UNC80: variants seen among roughly 807,000 people sequenced by gnomAD.
UNC80 encodes the protein unc-80 subunit of NALCN channel complex, also known as protein unc-80 homolog.
A neutral mutation model predicts 384.6 loss-of-function variants in UNC80; 164 were observed. The ratio of observed to expected loss-of-function variants is 0.43; its 90% CI spans 0.38 to 0.49. The LOEUF (loss-of-function observed/expected upper bound fraction) is 0.49. Ranked by LOEUF, UNC80 falls within the 20% of genes least tolerant of loss-of-function variation. The pLI, the probability that UNC80 is intolerant of heterozygous loss-of-function variation, is 0.00. For synonymous variants in UNC80, 1,486 were observed against 1,527.8 expected, an observed-to-expected ratio of 0.97 and a Z score of 0.64; for missense variants, 3,330 against 4,143.0, an observed-to-expected ratio of 0.80 and a Z score of 5.39.
intron 38 of UNC80, among the ~76,000 whole-genome samples, chr2:209,931,364 AACACACACACACACAC>A (rs61386739): frequency 2.2e-4 from 27 of 125,558 alleles, no homozygotes; most frequent in East Asian, 7.2e-4. Context: ...TCTATGTTTA[AACACACACACACACAC>A]ACACACACAC....
intron 14 of UNC80, among the ~76,000 whole-genome samples, chr2:209,827,950 G>A (rs1268628196): frequency 6.6e-6 from 1 of 152,070 alleles, no homozygotes; most frequent in African/African-American, 2.4e-5. Context: ...TTTCTTAAAA[G>A]TTTTATATCT....
chr2:209,867,681 T>C (rs2083952182), intron 22 of UNC80, among the ~76,000 whole-genome samples: 1 of 152,026 alleles, frequency 6.6e-6, no homozygotes, highest in Non-Finnish European at 1.5e-5. Flanking sequence ...ACTTTTAACT[T>C]GTGGCCCATT....
chr2:209,910,606 T>C (rs1204034560), intron 29 of UNC80, among the ~76,000 whole-genome samples: 1 of 150,968 alleles, frequency 6.6e-6, no homozygotes, highest in East Asian at 2.0e-4. Flanking sequence ...TATACTTTGG[T>C]AGGCAGAAAC....
rs1326438569 is a variant in UNC80, at chr2:209,993,477, A to T, written c.9508+51A>T. The T allele has an allele frequency of 5.4e-6, 8 of 1,487,672 alleles. 1 individual carries two copies. The South Asian group carries it at 8.6e-5, about 16-fold the overall frequency. The allele number at this position is 1,487,672 out of a possible 1,614,324, so 92.2% of individuals were successfully genotyped here. On this transcript the variant is annotated intron_variant, in intron 63 of 64. Coordinates refer to ENST00000673920, the MANE Select transcript of UNC80 (RefSeq NM_001371986.1). ...CTATACCATTGACATGATGCCATGC[A>T]ACTCACCCAGGAAGGCTTACAAAAA...
intron 9 of UNC80, among the ~76,000 whole-genome samples, chr2:209,816,048 T>C (rs1405812318): frequency 6.6e-6 from 1 of 152,220 alleles, no homozygotes; most frequent in Non-Finnish European, 1.5e-5. Context: ...TATTAACTTA[T>C]TATGAGCTGA....
intron 28 of UNC80, among the ~76,000 whole-genome samples, chr2:209,899,249 AT>A (rs1456520571): frequency 6.6e-6 from 1 of 152,204 alleles, no homozygotes; most frequent in African/African-American, 2.4e-5. Context: ...GTCATTATAC[AT>A]TTGTTAAAAT....
chr2:209,777,601 G>A, intron 4 of UNC80, 42 bp downstream of exon 4: 1 of 1,553,220 alleles, frequency 6.4e-7, no homozygotes, highest in Non-Finnish European at 8.7e-7. Flanking sequence ...GGGTGGAGAT[G>A]TGGTGAGGGT....
At chr2:209,892,134 G>A (rs1008386581) in intron 26 of UNC80, among the ~76,000 whole-genome samples, 1 of 152,152 alleles carries the variant, frequency 6.6e-6, no homozygotes, top group Admixed American at 6.5e-5. Context: ...TATGATTTAT[G>A]CATTTAAAAG....
intron 23 of UNC80, among the ~76,000 whole-genome samples, chr2:209,877,548 T>TA (rs1242641342): frequency 1.3e-5 from 2 of 152,174 alleles, no homozygotes; most frequent in Admixed American, 1.3e-4. Flanking sequence ...ACATTCTCAT[T>TA]AAAAATAGCA....
intron 35 of UNC80, among the ~76,000 whole-genome samples, chr2:209,922,974 C>T (rs2090154180): frequency 1.3e-5 from 2 of 152,110 alleles, no homozygotes; most frequent in Non-Finnish European, 2.9e-5. Context: ...ATCTTTTGCC[C>T]ACTTTAAATT....
At chr2:209,856,782 T>G (rs532203425) in intron 22 of UNC80, among the ~76,000 whole-genome samples, 2 of 151,548 alleles carry the variant, frequency 1.3e-5, no homozygotes, top group Admixed American at 1.3e-4. Context: ...ATTTATTTAT[T>G]TATTTATTTA....
At chr2:209,853,655 GAA>G (rs904159950) in intron 22 of UNC80, among the ~76,000 whole-genome samples, 90 of 152,058 alleles carry the variant, frequency 5.9e-4, no homozygotes, top group African/African-American at 2.1e-3. Flanking sequence ...AAAATAAAAA[GAA>G]AAATTAAACA....
chr2:209,949,393 A>G (rs973241123), intron 47 of UNC80, among the ~76,000 whole-genome samples: 8 of 152,210 alleles, frequency 5.3e-5, no homozygotes, highest in Admixed American at 3.3e-4. Flanking sequence ...AGTCCTTGTC[A>G]GGCTATAGTA....
intron 5 of UNC80, among the ~76,000 whole-genome samples, chr2:209,787,681 C>T (rs572801182): frequency 6.6e-6 from 1 of 152,252 alleles, no homozygotes; most frequent in South Asian, 2.1e-4. Flanking sequence ...TTTAAACAAA[C>T]CTACCGCGCT....
intron 61 of UNC80, among the ~76,000 whole-genome samples, chr2:209,986,465 TA>T (rs2093289766): frequency 6.6e-6 from 1 of 152,214 alleles, no homozygotes; most frequent in Non-Finnish European, 1.5e-5. Context: ...TGTAGTTTTC[TA>T]AACCAATTCA....
intron 22 of UNC80, among the ~76,000 whole-genome samples, chr2:209,865,660 C>A (rs1279224753): frequency 1.3e-5 from 2 of 151,380 alleles, no homozygotes. Flanking sequence ...CTTGCTTTTG[C>A]ATTAATATTC....
intron 7 of UNC80, among the ~76,000 whole-genome samples, chr2:209,802,271 G>A (rs2078610895): frequency 6.6e-6 from 1 of 151,898 alleles, no homozygotes; most frequent in Non-Finnish European, 1.5e-5. Flanking sequence ...ATAAAGCATT[G>A]TTTATTTCAA....
chr2:209,785,037 G>A (rs977345263), intron 4 of UNC80, among the ~76,000 whole-genome samples: 2 of 152,006 alleles, frequency 1.3e-5, no homozygotes, highest in African/African-American at 4.8e-5. Flanking sequence ...TTCAACCTCA[G>A]CTATGTGTGA....
chr2:209,905,713 A>C (rs920146275), intron 29 of UNC80, among the ~76,000 whole-genome samples: 1 of 152,230 alleles, frequency 6.6e-6, no homozygotes, highest in Non-Finnish European at 1.5e-5. Context: ...CCCACTGTTC[A>C]CAGCCAAGTA....
Sources: allele counts gnomAD v4.1 joint callset (sites outside exome capture counted in the v4.1 genomes callset), GRCh38; gene constraint gnomAD v4.1.1; transcripts MANE v1.5; gene names NCBI Gene and HGNC (gene_info 2026-07-23, HGNC 2026-07-21).